GRID2: variants seen among roughly 807,000 people sequenced by gnomAD.
GRID2 encodes glutamate ionotropic receptor delta type subunit 2.
In GRID2, 33 loss-of-function variants were observed where a neutral mutation model predicts 114.8. The observed-to-expected ratio is 0.29, with a 90% confidence interval of 0.22 to 0.38. The LOEUF (loss-of-function observed/expected upper bound fraction) is 0.38, where lower values mean the gene tolerates loss of function less well. GRID2 is among the 10% of genes least tolerant of loss of function. The pLI, the probability that GRID2 is intolerant of heterozygous loss-of-function variation, is 1.00. For missense variants in GRID2, 1,184 were observed against 1,257.7 expected (o/e 0.94, Z 0.89); for synonymous variants, 505 against 449.9 (o/e 1.12, Z -1.55).
chr4:92,437,580 G>A (rs1362943804), intron 1 of GRID2, among the ~76,000 whole-genome samples: 1 of 152,142 alleles, frequency 6.6e-6, no homozygotes, highest in Non-Finnish European at 1.5e-5. Flanking sequence ...ACTGCTTAAA[G>A]GACTATTATT....
chr4:93,421,853 A>C (rs1768321526), intron 9 of GRID2, among the ~76,000 whole-genome samples: 1 of 152,152 alleles, frequency 6.6e-6, no homozygotes, highest in South Asian at 2.1e-4. Context: ...ATTCAAAAAA[A>C]AAAAAAAACC....
chr4:92,436,363 A>C (rs947946056), intron 1 of GRID2, among the ~76,000 whole-genome samples: 3 of 152,172 alleles, frequency 2.0e-5, no homozygotes, highest in Admixed American at 2.0e-4. Flanking sequence ...AGATGTGGCA[A>C]TAAAAAAAGT....
intron 1 of GRID2, among the ~76,000 whole-genome samples, chr4:93,788,326 A>G (rs959598429): frequency 6.6e-6 from 1 of 152,028 alleles, no homozygotes; most frequent in African/African-American, 2.4e-5. Context: ...CAAAAAAAAA[A>G]GAAAAGAAAA....
chr4:93,540,227 C>T lies in GRID2; in HGVS notation c.2193+24816C>T, dbSNP rs117079163. ...TATTTTCTTTAGAATTCAATATTTC[C>T]TTATTGCGATGTTTTTTAACTCTAA... is the stretch of plus-strand genomic sequence containing the variant. On this transcript the variant is annotated intron_variant, in intron 13 of 15. Coordinates refer to ENST00000282020, the MANE Select transcript of GRID2 (RefSeq NM_001510.4). Among the ~76,000 whole-genome samples the T allele has an allele frequency of 4.2e-4, 64 of 151,810 alleles. 1 individual carries two copies. The East Asian group carries it at 0.012, about 29-fold the overall frequency.
At chr4:92,335,820 G>A (rs897614116) in intron 1 of GRID2, among the ~76,000 whole-genome samples, 3 of 152,156 alleles carry the variant, frequency 2.0e-5, no homozygotes, top group Non-Finnish European at 4.4e-5. Context: ...AGTGTACCCT[G>A]AGTGATTGAT....
chr4:93,585,182 A>G (rs1189614783), intron 13 of GRID2, among the ~76,000 whole-genome samples: 2 of 151,942 alleles, frequency 1.3e-5, no homozygotes, highest in East Asian at 1.9e-4. Context: ...GATTGAGTTT[A>G]TTTTCAGGAT....
rs534775380 is a variant in GRID2 at position 92,572,314 on chromosome 4, C to T, written c.89-17817C>T. Among the ~76,000 whole-genome samples the T allele has an allele frequency of 1.3e-4, 20 of 152,076 alleles. No individual in the cohort carries two copies. In the East Asian group the frequency reaches 2.7e-3, roughly 21 times the overall value. ...TGGATAAATTCCTCGACACATACAC[C>T]CTCCCAAGACTAAACCAGGAAGAAG... On this transcript the variant is annotated intron_variant, in intron 1 of 15. Transcript: ENST00000282020.
rs1734195451 is a variant in GRID2, at chr4:93,772,531, T to C, written c.*33T>C. 6.8e-7 allele frequency: 1 copy of C among 1,459,992 alleles called. No individual in the cohort carries two copies. Among genetic ancestry groups the C allele is most frequent in the Non-Finnish European group, 9.3e-7 (1 of 1,076,716 alleles). The allele number at this position is 1,459,992 out of a possible 1,614,324, so 90.4% of individuals were successfully genotyped here. On this transcript the variant is annotated 3_prime_UTR_variant, in exon 16 of 16. Coordinates refer to ENST00000282020, the MANE Select transcript of GRID2 (RefSeq NM_001510.4). ...ACAAATCTCTTCACTGTTTCTTTTT[T>C]AGGACTCCCTTTGCAAGGAGCAACT...
At chr4:93,278,198 T>C (rs958504780) in intron 8 of GRID2, among the ~76,000 whole-genome samples, 4 of 151,756 alleles carry the variant, frequency 2.6e-5, no homozygotes, top group African/African-American at 7.3e-5. Flanking sequence ...ACTGGAAGGA[T>C]AGTATTGCTC....
At chr4:92,736,255 T>A (rs976126481) in intron 2 of GRID2, among the ~76,000 whole-genome samples, 2 of 152,008 alleles carry the variant, frequency 1.3e-5, no homozygotes, top group Non-Finnish European at 2.9e-5. Flanking sequence ...AGGAGGCCTG[T>A]GGATGACAGA....
chr4:93,769,250 A>G lies in GRID2; in HGVS notation c.2401A>G (p.Lys801Glu). 1 of 1,613,978 alleles carries G rather than the reference A, an allele frequency of 6.2e-7. No homozygotes were observed. The highest frequency in any genetic ancestry group is 2.2e-5 in the East Asian group (1 of 44,874). Residue 801 changes from lysine to glutamate, a missense_variant, in exon 15 of 16, where the codon AAG (lysine) becomes GAG (glutamate). Lys to Glu is a moderately conservative substitution (Grantham distance 56). Coordinates refer to ENST00000282020, the MANE Select transcript of GRID2 (RefSeq NM_001510.4). Reference sequence around the variant, plus strand: ...GCAGAATGGTGACATGGACATCCTGAAGCACAAATGGTGGCCTAAGAATGG... The same window carrying G: ...GCAGAATGGTGACATGGACATCCTGGAGCACAAATGGTGGCCTAAGAATGG... ...LQQNGDMDIL[K>E]HKWWPKNGQC...
At chr4:93,019,435 C>G (rs925422585) in intron 2 of GRID2, among the ~76,000 whole-genome samples, 1 of 152,138 alleles carries the variant, frequency 6.6e-6, no homozygotes, top group African/African-American at 2.4e-5. Context: ...AGATAGGTGA[C>G]TCTTATTTAA....
chr4:93,429,358 A>G (rs149752417), intron 10 of GRID2, among the ~76,000 whole-genome samples: 4 of 152,336 alleles, frequency 2.6e-5, no homozygotes, highest in Admixed American at 6.5e-5. Flanking sequence ...CGCCCTTTAC[A>G]ATTTTCTAAA....
chr4:93,270,238 A>G (rs939556479), intron 8 of GRID2, among the ~76,000 whole-genome samples: 1 of 151,548 alleles, frequency 6.6e-6, no homozygotes, highest in Non-Finnish European at 1.5e-5. Context: ...ACACACACAC[A>G]CACACACACA....
intron 2 of GRID2, among the ~76,000 whole-genome samples, chr4:92,882,294 C>A (rs1478960699): frequency 6.6e-6 from 1 of 152,072 alleles, no homozygotes; most frequent in Non-Finnish European, 1.5e-5. Flanking sequence ...GACAAGAATA[C>A]CATTTAGCCA....
At chr4:93,687,948 T>A (rs1363041638) in intron 14 of GRID2, among the ~76,000 whole-genome samples, 1 of 151,898 alleles carries the variant, frequency 6.6e-6, no homozygotes, top group Non-Finnish European at 1.5e-5. Flanking sequence ...AGGAGAAAAG[T>A]CCTTCAGAAT....
At chr4:92,350,675 G>C (rs1728020956) in intron 1 of GRID2, among the ~76,000 whole-genome samples, 1 of 151,716 alleles carries the variant, frequency 6.6e-6, no homozygotes, top group Admixed American at 6.6e-5. Context: ...CAGCTTTATT[G>C]AGATATAATT....
intron 2 of GRID2, among the ~76,000 whole-genome samples, chr4:92,809,737 A>G (rs1740579337): frequency 6.6e-6 from 1 of 152,054 alleles, no homozygotes; most frequent in Non-Finnish European, 1.5e-5. Context: ...TTATTTGTCC[A>G]CTGTATCACT....
chr4:92,887,162 A>G (rs1381941063), intron 2 of GRID2, among the ~76,000 whole-genome samples: 1 of 152,002 alleles, frequency 6.6e-6, no homozygotes, highest in African/African-American at 2.4e-5. Flanking sequence ...GCTATTTCCC[A>G]TCCTGGAGGT....
Sources: allele counts gnomAD v4.1 joint callset (sites outside exome capture counted in the v4.1 genomes callset), GRCh38; gene constraint gnomAD v4.1.1; transcripts MANE v1.5; gene names NCBI Gene and HGNC (gene_info 2026-07-23, HGNC 2026-07-21).